NLK: variants seen among roughly 807,000 people sequenced by gnomAD.
NLK encodes nemo like kinase.
A neutral mutation model predicts 59.0 loss-of-function variants in NLK; 11 were observed. That is an observed-to-expected ratio of 0.19 (90% confidence interval 0.12 to 0.31). NLK has a LOEUF of 0.31. NLK is among the 10% of genes least tolerant of loss of function. The pLI is 1.00. For missense variants in NLK, 410 were observed against 661.1 expected, an observed-to-expected ratio of 0.62 and a Z score of 4.16; for synonymous variants, 235 against 235.9, an observed-to-expected ratio of 1.00 and a Z score of 0.03.
rs10542547 is a variant in NLK, at chr17:28,120,235, GGTGTGTGTGTGTGTGT to G, written c.459-2345_459-2330del. Among the ~76,000 whole-genome samples, 1,039 of 139,184 alleles carry G rather than the reference GGTGTGTGTGTGTGTGT, an allele frequency of 7.5e-3. 17 individuals are homozygous for G. Among genetic ancestry groups the G allele is most frequent in the African/African-American group, 0.025 (921 of 37,302 alleles). 91.3% of individuals were successfully genotyped at this position (139,184 alleles called of 152,430 possible). A position where few individuals can be genotyped will look rare whatever the true frequency, so the allele number is the denominator to read the frequency against. On this transcript the variant is annotated intron_variant, in intron 1 of 10. Transcript: ENST00000407008. ...AATCAGTATTGCAGATTTGGCTTGG[GGTGTGTGTGTGTGTGT>G]GTGTGTGTGTGTGTGTGTGTGTATG...
chr17:28,044,509 A>T (rs1344492814), intron 1 of NLK, among the ~76,000 whole-genome samples: 1 of 152,210 alleles, frequency 6.6e-6, no homozygotes, highest in Non-Finnish European at 1.5e-5. Flanking sequence ...AAAAACTAGT[A>T]GAGTCCAGTG....
At chr17:28,081,906 C>T (rs950557402) in intron 1 of NLK, among the ~76,000 whole-genome samples, 6 of 151,998 alleles carry the variant, frequency 3.9e-5, no homozygotes, top group Admixed American at 2.0e-4. Flanking sequence ...TGTTTTGTTT[C>T]CTTTTGAGAT....
chr17:28,077,111 C>G (rs191351013), intron 1 of NLK, among the ~76,000 whole-genome samples: 1 of 47,500 alleles, frequency 2.1e-5, no homozygotes, highest in Non-Finnish European at 4.2e-5. Context: ...CTTTGTACTT[C>G]TCTTTCTTAG....
At chr17:28,168,775 C>T (rs1342279600) in intron 6 of NLK, 118 bp downstream of exon 6, 3 of 709,332 alleles carry the variant, frequency 4.2e-6, no homozygotes, top group Non-Finnish European at 7.0e-6. Context: ...TTAGGAAATT[C>T]AGGTTCACTT....
At chr17:28,115,667 A>G (rs1176621917) in intron 1 of NLK, among the ~76,000 whole-genome samples, 2 of 152,004 alleles carry the variant, frequency 1.3e-5, no homozygotes, top group East Asian at 3.9e-4. Context: ...TACTTCATCT[A>G]TCCCCCCCAT....
At chr17:28,161,109 AG>A (rs1907985843) in intron 3 of NLK, 50 bp from the exon 4 acceptor site, 1 of 960,664 alleles carries the variant, frequency 1.0e-6, no homozygotes, top group East Asian at 2.4e-5. Context: ...CACCACTTTG[AG>A]GGGGTAGGGG....
intron 5 of NLK, 135 bp from the exon 6 acceptor site, chr17:28,168,313 G>T: frequency 1.6e-6 from 1 of 643,234 alleles, no homozygotes; most frequent in Non-Finnish European, 2.7e-6. Flanking sequence ...TCCAGCCTGG[G>T]TGACAGAGTG....
chr17:28,090,493 A>C lies in NLK; in HGVS notation c.459-32110A>C, dbSNP rs544462937. 2.6e-5 allele frequency among the ~76,000 whole-genome samples: 4 copies of C among 152,102 alleles called. No homozygotes were observed. In the East Asian group the frequency reaches 7.7e-4, roughly 29 times the overall value. On this transcript the variant is annotated intron_variant, in intron 1 of 10. Coordinates refer to ENST00000407008, the MANE Select transcript of NLK (RefSeq NM_016231.5). ...TTCCTTTATGACTACTTATAGTGCA[A>C]GTCTGCTGGTGATAAATTATTTTAA...
rs34385659 is a variant in NLK, at chr17:28,185,375, T to C, written c.1236+110T>C. 1,178 of 672,026 alleles carry C rather than the reference T, an allele frequency of 1.8e-3. 17 individuals are homozygous for C. In the African/African-American group the frequency reaches 0.018, roughly 10 times the overall value. 41.6% of individuals were successfully genotyped at this position (672,026 alleles called of 1,614,324 possible). ...CAATGTAAATAATTACTTTTCAGAA[T>C]ATAAACTTCAATCCCCAGTATCATG... On this transcript the variant is annotated intron_variant, in intron 8 of 10. Transcript: ENST00000407008.
intron 5 of NLK, among the ~76,000 whole-genome samples, chr17:28,165,926 T>C (rs1212315597): frequency 6.6e-6 from 1 of 152,172 alleles, no homozygotes; most frequent in Non-Finnish European, 1.5e-5. Context: ...AAATATTATA[T>C]GTTATTTTGG....
chr17:28,117,334 G>T (rs377049190), intron 1 of NLK, among the ~76,000 whole-genome samples: 1 of 152,166 alleles, frequency 6.6e-6, no homozygotes, highest in African/African-American at 2.4e-5. Flanking sequence ...GGGACTGAAA[G>T]GGTCTTAAGA....
intron 1 of NLK, among the ~76,000 whole-genome samples, chr17:28,088,257 C>A (rs562968063): frequency 2.6e-5 from 4 of 152,264 alleles, no homozygotes; most frequent in South Asian, 4.1e-4. Flanking sequence ...TGTACTTAAT[C>A]AGGAGGCACA....
At chr17:28,067,612 A>T (rs1909875536) in intron 1 of NLK, among the ~76,000 whole-genome samples, 1 of 151,950 alleles carries the variant, frequency 6.6e-6, no homozygotes, top group Non-Finnish European at 1.5e-5. Flanking sequence ...TTCAATATAT[A>T]AAAAAACTGG....
chr17:28,173,933 T>A (rs1313956113), intron 7 of NLK, among the ~76,000 whole-genome samples: 1 of 152,252 alleles, frequency 6.6e-6, no homozygotes, highest in Non-Finnish European at 1.5e-5. Context: ...GACACCCTTA[T>A]GCTACCCTTC....
rs1036434364 is a variant in NLK at position 28,195,767 on chromosome 17, A to G, written c.*1131A>G. 4 of 152,276 alleles carry G rather than the reference A, an allele frequency of 2.6e-5. No homozygotes were observed. The highest frequency in any genetic ancestry group is 7.3e-5 in the African/African-American group (3 of 41,360). 9.4% of individuals were successfully genotyped at this position (152,276 alleles called of 1,614,324 possible). On this transcript the variant is annotated 3_prime_UTR_variant, in exon 11 of 11. Transcript: ENST00000407008. ...TCGAAGGCCTCTACCTCCTGGAGTT[A>G]TACAACTTGGCTTGTTTACCTCCAC...
At chr17:28,098,328 G>T (rs80336418) in intron 1 of NLK, among the ~76,000 whole-genome samples, 1 of 152,018 alleles carries the variant, frequency 6.6e-6, no homozygotes, top group African/African-American at 2.4e-5. Context: ...AGGCAGAACG[G>T]GTAGCCTCAT....
At chr17:28,162,403 C>T (rs972170691) in intron 4 of NLK, among the ~76,000 whole-genome samples, 16 of 152,018 alleles carry the variant, frequency 1.1e-4, no homozygotes, top group Non-Finnish European at 5.9e-5. Flanking sequence ...GATGCTGAGG[C>T]GGGCAGATCA....
chr17:28,181,540 G>A (rs1002320890), intron 7 of NLK, among the ~76,000 whole-genome samples: 1 of 150,172 alleles, frequency 6.7e-6, no homozygotes, highest in South Asian at 2.1e-4. Flanking sequence ...CTACACTTCA[G>A]CCTGGGCAAT....
At chr17:28,193,632 C>T (rs1442414477) in intron 10 of NLK, among the ~76,000 whole-genome samples, 3 of 152,220 alleles carry the variant, frequency 2.0e-5, no homozygotes, top group African/African-American at 4.8e-5. Context: ...TGAGTGGTCA[C>T]ACAGTCTCTA....
Sources: gnomAD v4.1 joint callset for allele counts (sites outside exome capture counted in the v4.1 genomes callset) on GRCh38, gnomAD v4.1.1 for gene constraint, MANE v1.5 for transcripts, NCBI Gene and HGNC (gene_info 2026-07-23, HGNC 2026-07-21) for gene names.